Variants in KIF16B observed in about 807,000 individuals in gnomAD.
KIF16B encodes kinesin-like protein KIF16B.
Under a neutral mutation model 156.3 loss-of-function variants are expected in KIF16B, and 98 were observed. That is an observed-to-expected ratio of 0.63 (90% CI 0.53 to 0.74). The LOEUF is 0.74. Ranked by LOEUF, KIF16B falls within the 30% of genes least tolerant of loss-of-function variation. The probability of loss-of-function intolerance (pLI) is 0.00; values close to 1 mark genes in which losing one functional copy is unlikely to be tolerated. For synonymous variants in KIF16B, 564 were observed against 583.7 expected, an observed-to-expected ratio of 0.97 and a Z score of 0.49; for missense variants, 1,421 against 1,606.5, an observed-to-expected ratio of 0.88 and a Z score of 1.97.
intron 1 of KIF16B, among the ~76,000 whole-genome samples, chr20:16,542,489 G>A (rs1416486176): frequency 1.3e-5 from 2 of 152,114 alleles, no homozygotes; most frequent in African/African-American, 4.8e-5. Context: ...AAGAAATAAA[G>A]GTATGTCATG....
intron 25 of KIF16B, among the ~76,000 whole-genome samples, chr20:16,291,946 C>T (rs575987931): frequency 2.0e-5 from 3 of 152,186 alleles, no homozygotes; most frequent in South Asian, 2.1e-4. Flanking sequence ...ATACAAGCCC[C>T]GGGGTCTACT....
intron 10 of KIF16B, among the ~76,000 whole-genome samples, chr20:16,498,481 G>A (rs2068518872): frequency 6.6e-6 from 1 of 152,170 alleles, no homozygotes; most frequent in Admixed American, 6.5e-5. Context: ...TCATATGCAA[G>A]CGTGTTTTTT....
chr20:16,324,403 G>A (rs1233733525), intron 24 of KIF16B, among the ~76,000 whole-genome samples: 1 of 151,956 alleles, frequency 6.6e-6, no homozygotes, highest in Non-Finnish European at 1.5e-5. Context: ...CTCTCCATAG[G>A]TATTTGATTC....
chr20:16,501,099 G>A (rs1156649074), intron 10 of KIF16B, among the ~76,000 whole-genome samples: 4 of 151,640 alleles, frequency 2.6e-5, no homozygotes, highest in East Asian at 3.9e-4. Flanking sequence ...TTCATCAATC[G>A]CCTGAGAAGC....
chr20:16,424,182 T>C (rs2066295881), intron 15 of KIF16B, among the ~76,000 whole-genome samples: 1 of 152,162 alleles, frequency 6.6e-6, no homozygotes, highest in African/African-American at 2.4e-5. Flanking sequence ...TGCTGACCTT[T>C]GATCTTCCTG....
chr20:16,310,389 CT>C, intron 25 of KIF16B, among the ~76,000 whole-genome samples: 1 of 152,166 alleles, frequency 6.6e-6, no homozygotes, highest in Non-Finnish European at 1.5e-5. Context: ...GTGCCCTGAA[CT>C]TTGCTCTAAG....
chr20:16,318,186 G>A (rs1383447003), intron 24 of KIF16B, among the ~76,000 whole-genome samples: 2 of 151,904 alleles, frequency 1.3e-5, no homozygotes, highest in African/African-American at 4.8e-5. Context: ...GAAATAATTA[G>A]AAGGAACCAA....
intron 13 of KIF16B, 37 bp downstream of exon 13, chr20:16,429,826 A>G (rs2066451666): frequency 6.3e-7 from 1 of 1,580,972 alleles, no homozygotes; most frequent in Middle Eastern, 1.8e-4. Flanking sequence ...GAGAAACTGG[A>G]AACAAAATTA....
chr20:16,479,020 G>T (rs532209546), intron 12 of KIF16B, among the ~76,000 whole-genome samples: 22 of 152,130 alleles, frequency 1.4e-4, no homozygotes, highest in African/African-American at 5.1e-4. Context: ...ATGGCAGCAC[G>T]ATTTCTAACA....
At chr20:16,442,218 T>C (rs747961784) in intron 12 of KIF16B, among the ~76,000 whole-genome samples, 18 of 152,106 alleles carry the variant, frequency 1.2e-4, no homozygotes, top group Non-Finnish European at 2.4e-4. Context: ...TACTTAATGA[T>C]GATATATTGT....
In KIF16B at chr20:16,273,256, C is replaced by T. The variant is rs753266659; in HGVS notation, c.3951G>A (p.Gly1317=). The change falls in exon 26 of 26, where the codon GGG becomes GGA. Residue 1317 remains glycine, a synonymous_variant. Coordinates refer to ENST00000354981, the MANE Select transcript of KIF16B (RefSeq NM_024704.5). The part of the protein sequence containing the change: ...GVFDYSSHGT[G] The stretch of plus-strand genomic sequence containing the variant: ...GGTTCCTCCATCACCCCTGGCTCTA[C>T]CCCGTCCCGTGGCTGCTGTAGTCAA... The T allele has an allele frequency of 9.9e-6, 16 of 1,613,718 alleles. No individual in the cohort carries two copies. Among genetic ancestry groups the T allele is most frequent in the Non-Finnish European group, 1.2e-5 (14 of 1,179,786 alleles).
chr20:16,322,183 C>T lies in KIF16B; in HGVS notation c.3712-9765G>A, dbSNP rs746544062. Among the ~76,000 whole-genome samples the T allele has an allele frequency of 2.6e-5, 4 of 151,870 alleles. No homozygotes were observed. In the East Asian group the frequency reaches 5.8e-4, roughly 22 times the overall value. ...GACAAAAGACAAAATTCCTATGGAACCAAAAAAGAGCCCACACAGCCAAAG... is the reference window on the plus strand; with the variant it reads ...GACAAAAGACAAAATTCCTATGGAATCAAAAAAGAGCCCACACAGCCAAAG... On this transcript the variant is annotated intron_variant, in intron 24 of 25. Transcript: ENST00000354981.
chr20:16,341,300 A>G (rs576646766), intron 23 of KIF16B, among the ~76,000 whole-genome samples: 2 of 152,344 alleles, frequency 1.3e-5, no homozygotes, highest in East Asian at 1.9e-4. Context: ...TGGTTTGCTT[A>G]AAGTTGCAGT....
intron 12 of KIF16B, among the ~76,000 whole-genome samples, chr20:16,453,964 GCA>G (rs914462791): frequency 6.6e-6 from 1 of 152,122 alleles, no homozygotes; most frequent in Non-Finnish European, 1.5e-5. Context: ...CAGATGACGT[GCA>G]CACACACATG....
At chr20:16,327,912 T>C (rs892045026) in intron 24 of KIF16B, among the ~76,000 whole-genome samples, 5 of 152,218 alleles carry the variant, frequency 3.3e-5, no homozygotes, top group African/African-American at 1.2e-4. Flanking sequence ...GGTAGCATTA[T>C]AATTTGGGTG....
intron 24 of KIF16B, among the ~76,000 whole-genome samples, chr20:16,328,859 G>A (rs1348454954): frequency 6.6e-6 from 1 of 151,886 alleles, no homozygotes; most frequent in Non-Finnish European, 1.5e-5. Flanking sequence ...CATTTATGAG[G>A]GTCTCATGAC....
chr20:16,380,082 C>T lies in KIF16B; in HGVS notation c.1920G>A (p.Gln640=). The T allele has an allele frequency of 6.5e-7, 1 of 1,541,634 alleles. No homozygotes were observed. The highest frequency in any genetic ancestry group is 1.3e-5 in the South Asian group (1 of 76,066). ...LERMQQEVET[Q]RKETEIVQLQ... ...GCTGCACGATTTCTGTCTCCTTGCG[C>T]TGGGTCTCCACCTCCTGCTGCATCC... The change falls in exon 19 of 26, where the codon CAG becomes CAA. Residue 640 remains glutamine (Q), a synonymous_variant. Coordinates refer to ENST00000354981, the MANE Select transcript of KIF16B (RefSeq NM_024704.5).
At chr20:16,513,977 T>C (rs2069050382) in intron 4 of KIF16B, among the ~76,000 whole-genome samples, 1 of 152,188 alleles carries the variant, frequency 6.6e-6, no homozygotes, top group South Asian at 2.1e-4. Flanking sequence ...TCAGAGATTG[T>C]TTTTTCTTTG....
At chr20:16,528,997 A>G (rs529098783) in intron 1 of KIF16B, among the ~76,000 whole-genome samples, 10 of 152,308 alleles carry the variant, frequency 6.6e-5, no homozygotes, top group Middle Eastern at 3.4e-3. Context: ...CATTTACCCA[A>G]TGGAGTGTGA....
Sources: allele counts gnomAD v4.1 joint callset (sites outside exome capture counted in the v4.1 genomes callset), GRCh38; gene constraint gnomAD v4.1.1; transcripts MANE v1.5; gene names NCBI Gene and HGNC (gene_info 2026-07-23, HGNC 2026-07-21).